Variants in API5 observed in about 807,000 individuals in gnomAD.
The protein encoded by API5 is FIF.
In API5, 6 loss-of-function variants were observed where a neutral mutation model predicts 71.9. The ratio of observed to expected loss-of-function variants is 0.08; its 90% CI spans 0.05 to 0.16. The LOEUF (loss-of-function observed/expected upper bound fraction) is 0.16, where lower values mean the gene tolerates loss of function less well. API5 is among the 10% of genes least tolerant of loss of function. The pLI, the probability that API5 is intolerant of heterozygous loss-of-function variation, is 1.00. For synonymous variants in API5, 189 were observed against 221.3 expected, an observed-to-expected ratio of 0.85 and a Z score of 1.30; for missense variants, 332 against 612.8, an observed-to-expected ratio of 0.54 and a Z score of 4.84.
chr11:43,312,266 A>G (rs1367292504), intron 1 of API5, 70 bp downstream of exon 1: 2 of 1,528,552 alleles, frequency 1.3e-6, no homozygotes, highest in Non-Finnish European at 1.8e-6. Context: ...TTCCCGCCGC[A>G]CTCCCCGGGC....
chr11:43,334,108 A>G (rs1220655797), intron 11 of API5, among the ~76,000 whole-genome samples: 1 of 152,150 alleles, frequency 6.6e-6, no homozygotes, highest in Admixed American at 6.6e-5. Context: ...TTACCTGAAA[A>G]TCTTGAAATG....
At chr11:43,333,445 G>A (rs1038780277) in intron 11 of API5, among the ~76,000 whole-genome samples, 1 of 152,034 alleles carries the variant, frequency 6.6e-6, no homozygotes, top group African/African-American at 2.4e-5. Context: ...TGTTTATATG[G>A]GCAAAAACTG....
Position 43,342,736 on chromosome 11 carries a change from G to GT in API5, c.*231dup, listed in dbSNP as rs1274468702. 6.1e-6 allele frequency: 4 copies of GT among 654,620 alleles called. No homozygotes were observed. The highest frequency in any genetic ancestry group is 1.1e-5 in the Non-Finnish European group (4 of 361,560). The allele number at this position is 654,620 out of a possible 1,614,324, so 40.6% of individuals were successfully genotyped here. A position where few individuals can be genotyped will look rare whatever the true frequency, so the allele number is the denominator to read the frequency against. ...GATGCTTTGTCTGCAATCTTGACTT[G>GT]TTTTTGCAGTATCATTATTCAGACT... On this transcript the variant is annotated 3_prime_UTR_variant, in exon 14 of 14. Transcript: ENST00000531273.
At position 43,312,118 on chromosome 11, in the gene API5, G is replaced by A. The variant is rs1854492946; in HGVS notation, c.-10G>A. 1.2e-6 allele frequency: 2 copies of A among 1,613,426 alleles called. No individual in the cohort carries two copies. The highest frequency in any genetic ancestry group is 2.7e-5 in the African/African-American group (2 of 74,926). On this transcript the variant is annotated 5_prime_UTR_variant, in exon 1 of 14. Transcript: ENST00000531273. The stretch of plus-strand genomic sequence containing the variant: ...GATAGCGGAACCGGGCCCTGGGCTT[G>A]TCGCTCACCATGCCGACAGTAGAGG...
chr11:43,340,757 A>T (rs1380748219), intron 13 of API5, among the ~76,000 whole-genome samples: 2 of 152,188 alleles, frequency 1.3e-5, no homozygotes, highest in African/African-American at 2.4e-5. Context: ...GAATGAAACT[A>T]GATCCGCACC....
intron 4 of API5, among the ~76,000 whole-genome samples, 185 bp downstream of exon 4, chr11:43,321,661 C>A (rs1303735753): frequency 6.6e-6 from 1 of 152,150 alleles, no homozygotes; most frequent in Non-Finnish European, 1.5e-5. Flanking sequence ...GAAATAACTG[C>A]AAAAACAGAT....
intron 1 of API5, among the ~76,000 whole-genome samples, chr11:43,314,940 C>A (rs191064116): frequency 5.1e-4 from 78 of 152,210 alleles, no homozygotes; most frequent in Non-Finnish European, 9.3e-4. Context: ...GAGAGAAAAC[C>A]GTGTTCATGT....
chr11:43,328,452 C>G (rs956354595), intron 8 of API5, among the ~76,000 whole-genome samples: 5 of 152,130 alleles, frequency 3.3e-5, no homozygotes, highest in African/African-American at 1.2e-4. Flanking sequence ...GTGCCTTTAT[C>G]TGTAAGTGCC....
chr11:43,327,714 C>A, intron 7 of API5, 75 bp from the exon 8 acceptor site: 1 of 1,034,034 alleles, frequency 9.7e-7, no homozygotes, highest in Non-Finnish European at 1.4e-6. Context: ...AGTCTTAAAT[C>A]GTTATCTAGA....
At chr11:43,318,053 A>C (rs1184758766) in intron 1 of API5, among the ~76,000 whole-genome samples, 1 of 152,090 alleles carries the variant, frequency 6.6e-6, no homozygotes, top group Admixed American at 6.5e-5. Flanking sequence ...TCTGTCATCC[A>C]GGCTGGAGTG....
Position 43,343,194 on chromosome 11 carries a change from A to ATGTGTG in API5, c.*696_*701dup, listed in dbSNP as rs551521361. On this transcript the variant is annotated 3_prime_UTR_variant, in exon 14 of 14. Transcript: ENST00000531273. ...AATATACATACATACATAAGCATATATGTGTGTGTGTGTGTGTATATATAT... is the reference window on the plus strand; with the variant it reads ...AATATACATACATACATAAGCATATATGTGTGTGTGTGTGTGTGTGTGTATATATAT... 5 of 151,422 alleles carry ATGTGTG rather than the reference A, an allele frequency of 3.3e-5. No individual in the cohort carries two copies. Among genetic ancestry groups the ATGTGTG allele is most frequent in the African/African-American group, 1.2e-4 (5 of 40,634 alleles). 9.4% of individuals were successfully genotyped at this position (151,422 alleles called of 1,614,324 possible). A position where few individuals can be genotyped will look rare whatever the true frequency, so the allele number is the denominator to read the frequency against.
intron 5 of API5, 145 bp from the exon 6 acceptor site, chr11:43,323,285 A>T: frequency 1.4e-6 from 1 of 732,692 alleles, no homozygotes; most frequent in Non-Finnish European, 2.2e-6. Flanking sequence ...GACTGAAGCT[A>T]GAAGTTGCCT....
chr11:43,324,608 G>T (rs1409372250), intron 6 of API5, among the ~76,000 whole-genome samples: 4 of 152,026 alleles, frequency 2.6e-5, no homozygotes, highest in Admixed American at 2.6e-4. Flanking sequence ...TTAAGTAATA[G>T]AATTATCCCT....
At chr11:43,338,108 A>G (rs1855494856) in intron 13 of API5, among the ~76,000 whole-genome samples, 1 of 152,208 alleles carries the variant, frequency 6.6e-6, no homozygotes, top group Non-Finnish European at 1.5e-5. Flanking sequence ...AAAGCAAACT[A>G]AAATCTGATT....
At position 43,342,950 on chromosome 11, in the gene API5, T is replaced by C; in HGVS notation, c.*440T>C. The C allele has an allele frequency of 3.2e-6, 1 of 315,738 alleles. No homozygotes were observed. Among genetic ancestry groups the C allele is most frequent in the East Asian group, 6.2e-5 (1 of 16,120 alleles). 19.6% of individuals were successfully genotyped at this position (315,738 alleles called of 1,614,324 possible). A position where few individuals can be genotyped will look rare whatever the true frequency, so the allele number is the denominator to read the frequency against. On this transcript the variant is annotated 3_prime_UTR_variant, in exon 14 of 14. Coordinates refer to ENST00000531273, the MANE Select transcript of API5 (RefSeq NM_001142930.2). ...AGTAATGGTCAATCTTAACATTTTG[T>C]TTTAATTGTTTAATAAAGCTGCTGG...
intron 7 of API5, among the ~76,000 whole-genome samples, chr11:43,326,835 G>T (rs1474249080): frequency 1.3e-5 from 2 of 152,164 alleles, no homozygotes; most frequent in African/African-American, 2.4e-5. Flanking sequence ...ATTATAGTCA[G>T]TCTCTACTTT....
intron 11 of API5, among the ~76,000 whole-genome samples, chr11:43,332,596 C>A (rs1855293635): frequency 6.6e-6 from 1 of 152,076 alleles, no homozygotes; most frequent in Admixed American, 6.6e-5. Flanking sequence ...GCAGGAGTTT[C>A]CATCCCTATG....
intron 11 of API5, among the ~76,000 whole-genome samples, chr11:43,331,011 C>A (rs750126297): frequency 1.1e-4 from 16 of 152,098 alleles, no homozygotes; most frequent in East Asian, 1.9e-4. Context: ...AGAAAAAAAT[C>A]ACAAAGTAGC....
intron 1 of API5, among the ~76,000 whole-genome samples, chr11:43,316,388 GT>G (rs35809844): frequency 0.96 from 140,255 of 146,354 alleles, 67,273 homozygotes; most frequent in East Asian, 0.99. Context: ...TTTAAGCAGG[GT>G]TTTTTTTTTT....
Sources: allele counts gnomAD v4.1 joint callset (sites outside exome capture counted in the v4.1 genomes callset), GRCh38; gene constraint gnomAD v4.1.1; transcripts MANE v1.5; gene names NCBI Gene and HGNC (gene_info 2026-07-23, HGNC 2026-07-21).